Variants in C1QTNF3 observed in about 807,000 individuals in gnomAD.
The protein encoded by C1QTNF3 is C1q and TNF related 3.
In C1QTNF3, 26 loss-of-function variants were observed where a neutral mutation model predicts 32.6. The observed-to-expected ratio is 0.80, with a 90% CI of 0.58 to 1.11. The LOEUF is 1.11. Among genes scored for constraint, C1QTNF3 ranks in the 50% least tolerant of loss-of-function variants. C1QTNF3 has a pLI of 0.00. For synonymous variants in C1QTNF3, 155 were observed against 146.0 expected, an observed-to-expected ratio of 1.06 and a Z score of -0.44; for missense variants, 362 against 398.2, an observed-to-expected ratio of 0.91 and a Z score of 0.77.
At chr5:34,142,339 G>A in the C1QTNF3 span, among the ~76,000 whole-genome samples, 7 of 152,002 alleles carry the variant, frequency 4.6e-5, no homozygotes, top group Non-Finnish European at 7.4e-5. Flanking sequence ...GGCTGAGGCA[G>A]GAGAAACGCT....
At chr5:34,223,170 T>TC in the C1QTNF3 span, among the ~76,000 whole-genome samples, 1 of 79,686 alleles carries the variant, frequency 1.3e-5, no homozygotes, top group South Asian at 5.4e-4. Context: ...CCCTCCCCCC[T>TC]CCCCCCACCC....
the C1QTNF3 span, among the ~76,000 whole-genome samples, chr5:34,125,900 AAG>A: frequency 2.0e-5 from 3 of 152,210 alleles, no homozygotes; most frequent in South Asian, 2.1e-4. Context: ...TTTCCACAAA[AAG>A]AGGAAAGAAT....
chr5:34,178,056 C>G, the C1QTNF3 span, among the ~76,000 whole-genome samples: 12 of 128,962 alleles, frequency 9.3e-5, no homozygotes, highest in Admixed American at 7.2e-4. Context: ...CGCTTGAGGT[C>G]AAAAGTTCAA....
chr5:34,069,554 T>C, the C1QTNF3 span, among the ~76,000 whole-genome samples: 1 of 152,258 alleles, frequency 6.6e-6, no homozygotes, highest in Admixed American at 6.5e-5. Flanking sequence ...CAGTTAACTA[T>C]GACATGACAT....
At chr5:34,120,313 T>C in the C1QTNF3 span, among the ~76,000 whole-genome samples, 2 of 152,212 alleles carry the variant, frequency 1.3e-5, no homozygotes, top group South Asian at 4.1e-4. Flanking sequence ...CAGTTTTTTA[T>C]ATTCTTACTT....
chr5:34,171,361 T>C, the C1QTNF3 span, among the ~76,000 whole-genome samples: 1 of 150,982 alleles, frequency 6.6e-6, no homozygotes, highest in African/African-American at 2.4e-5. Context: ...GTATAATATA[T>C]ATACATAAAT....
At chr5:34,065,950 C>T in the C1QTNF3 span, among the ~76,000 whole-genome samples, 1 of 151,992 alleles carries the variant, frequency 6.6e-6, no homozygotes, top group Non-Finnish European at 1.5e-5. Context: ...CAGTGATGGA[C>T]TGAATAAAGA....
At chr5:34,197,872 C>A in the C1QTNF3 span, among the ~76,000 whole-genome samples, 2 of 152,014 alleles carry the variant, frequency 1.3e-5, no homozygotes, top group African/African-American at 2.4e-5. Flanking sequence ...TTTTTTAGTT[C>A]ATAGATTACT....
the C1QTNF3 span, chr5:34,175,715 C>A: frequency 4.6e-6 from 3 of 648,936 alleles, no homozygotes; most frequent in Non-Finnish European, 8.5e-6. Context: ...AAACCAGCTT[C>A]CCCCCTTTGT....
At chr5:34,081,183 G>T in the C1QTNF3 span, among the ~76,000 whole-genome samples, 2 of 151,604 alleles carry the variant, frequency 1.3e-5, no homozygotes, top group Non-Finnish European at 2.9e-5. Context: ...TAGGCGCAGT[G>T]CCTAAAACAG....
the C1QTNF3 span, among the ~76,000 whole-genome samples, chr5:34,120,576 G>C: frequency 6.6e-6 from 1 of 152,146 alleles, no homozygotes; most frequent in South Asian, 2.1e-4. Context: ...TTGTGGGAGG[G>C]AACTGTTAGG....
At chr5:34,076,969 C>G in the C1QTNF3 span, among the ~76,000 whole-genome samples, 2 of 151,686 alleles carry the variant, frequency 1.3e-5, no homozygotes, top group Admixed American at 1.3e-4. Flanking sequence ...GGATAGGTAA[C>G]TTAAACAAGG....
chr5:34,210,463 G>A, the C1QTNF3 span, among the ~76,000 whole-genome samples: 1 of 150,326 alleles, frequency 6.7e-6, no homozygotes, highest in Non-Finnish European at 1.5e-5. Flanking sequence ...TGTTGCTTAG[G>A]ACATTGACTA....
chr5:34,153,937 T>C, the C1QTNF3 span, among the ~76,000 whole-genome samples: 1 of 151,604 alleles, frequency 6.6e-6, no homozygotes, highest in African/African-American at 2.4e-5. Flanking sequence ...GACTTGATTG[T>C]TGTTATCATT....
chr5:34,141,159 GC>G, the C1QTNF3 span, among the ~76,000 whole-genome samples: 1 of 151,710 alleles, frequency 6.6e-6, no homozygotes, highest in South Asian at 2.1e-4. Context: ...CCACTCTGTC[GC>G]CCAGGCTGGA....
At chr5:34,148,094 C>T in the C1QTNF3 span, among the ~76,000 whole-genome samples, 4 of 150,996 alleles carry the variant, frequency 2.6e-5, no homozygotes, top group African/African-American at 7.3e-5. Flanking sequence ...AAAGGGGTGA[C>T]GGACGCACCT....
the C1QTNF3 span, among the ~76,000 whole-genome samples, chr5:34,177,886 G>T: frequency 6.6e-6 from 1 of 151,628 alleles, no homozygotes. Context: ...GTCTCCCAAA[G>T]GGCTAGCATT....
At chr5:34,098,401 A>G in the C1QTNF3 span, among the ~76,000 whole-genome samples, 1 of 152,008 alleles carries the variant, frequency 6.6e-6, no homozygotes, top group Non-Finnish European at 1.5e-5. Context: ...CTGTCATTCA[A>G]CTTGGTTAGT....
chr5:34,081,599 A>T, the C1QTNF3 span, among the ~76,000 whole-genome samples: 1 of 151,730 alleles, frequency 6.6e-6, no homozygotes, highest in East Asian at 1.9e-4. Context: ...TATCAAGTAG[A>T]TTAAATTTCA....
Sources: gnomAD v4.1 joint callset for allele counts (sites outside exome capture counted in the v4.1 genomes callset) on GRCh38, gnomAD v4.1.1 for gene constraint, MANE v1.5 for transcripts, NCBI Gene and HGNC (gene_info 2026-07-23, HGNC 2026-07-21) for gene names.